The following HDAC4 variants were observed in gnomAD, a reference collection of about 807,000 sequenced individuals.
HDAC4 encodes histone deacetylase A.
A neutral mutation model predicts 135.1 loss-of-function variants in HDAC4; 16 were observed. That is an observed-to-expected ratio of 0.12 (90% confidence interval 0.08 to 0.18). The LOEUF (loss-of-function observed/expected upper bound fraction) is 0.18, where lower values mean the gene tolerates loss of function less well. Among genes scored for constraint, HDAC4 ranks in the 10% least tolerant of loss-of-function variants. The pLI is 1.00. For missense variants in HDAC4, 1,143 were observed against 1,511.8 expected (o/e 0.76, Z 4.05); for synonymous variants, 685 against 653.4 (o/e 1.05, Z -0.74).
intron 1 of HDAC4, among the ~76,000 whole-genome samples, chr2:239,374,655 G>A (rs549739036): frequency 4.0e-5 from 6 of 151,858 alleles, no homozygotes; most frequent in East Asian, 3.9e-4. Context: ...CGCCCGCCTC[G>A]GCCTCCCAAA....
At chr2:239,397,296 T>C (rs1696625758) in intron 1 of HDAC4, among the ~76,000 whole-genome samples, 2 of 152,122 alleles carry the variant, frequency 1.3e-5, no homozygotes, top group African/African-American at 4.8e-5. Context: ...CCTCCAGAGG[T>C]AGAGCCCACC....
intron 3 of HDAC4, among the ~76,000 whole-genome samples, chr2:239,197,847 TTGTGTGTGTGTG>T (rs368801140): frequency 3.6e-4 from 50 of 140,216 alleles, no homozygotes; most frequent in South Asian, 1.7e-3. Context: ...CACTAAAAGT[TTGTGTGTGTGTG>T]TGTGTGTGTG....
At chr2:239,085,877 C>A (rs887086430) in intron 19 of HDAC4, 1 of 147,700 alleles carries the variant, frequency 6.8e-6, no homozygotes, top group Non-Finnish European at 1.5e-5. Context: ...ACATGCGGAT[C>A]TGACTATCTC....
intron 10 of HDAC4, 34 bp downstream of exon 10, chr2:239,134,493 C>T (rs1263546943): frequency 1.2e-6 from 2 of 1,612,670 alleles, no homozygotes; most frequent in East Asian, 2.2e-5. Flanking sequence ...TCACCACCAC[C>T]CCACACCACA....
intron 7 of HDAC4, among the ~76,000 whole-genome samples, chr2:239,153,729 G>C (rs1442062040): frequency 1.3e-5 from 2 of 152,218 alleles, no homozygotes; most frequent in Non-Finnish European, 2.9e-5. Context: ...CCGTTCTCAA[G>C]AAAGCAGGGA....
intron 1 of HDAC4, among the ~76,000 whole-genome samples, chr2:239,380,220 G>A (rs1183895148): frequency 1.3e-5 from 2 of 152,228 alleles, no homozygotes; most frequent in African/African-American, 2.4e-5. Flanking sequence ...CGGAATGCGC[G>A]AGCTCTGCAA....
At chr2:239,249,713 C>G (rs894323980) in intron 2 of HDAC4, among the ~76,000 whole-genome samples, 1 of 151,910 alleles carries the variant, frequency 6.6e-6, no homozygotes, top group African/African-American at 2.4e-5. Context: ...CCAAATACCA[C>G]GCCATCCTGG....
chr2:239,145,770 C>A (rs1408967341), intron 7 of HDAC4, among the ~76,000 whole-genome samples: 1 of 152,044 alleles, frequency 6.6e-6, no homozygotes, highest in Non-Finnish European at 1.5e-5. Context: ...ACAGGCAGTG[C>A]ACCGCCTCCA....
intron 22 of HDAC4, among the ~76,000 whole-genome samples, chr2:239,073,384 G>A (rs888207524): frequency 1.3e-5 from 2 of 152,210 alleles, no homozygotes; most frequent in South Asian, 2.1e-4. Context: ...TTCCTGCCAC[G>A]GGTCAGATAG....
chr2:239,049,309 G>A lies in HDAC4; in HGVS notation c.*3788C>T, dbSNP rs2030457470. 1 of 152,416 alleles carries A rather than the reference G, an allele frequency of 6.6e-6. No homozygotes were observed. The highest frequency in any genetic ancestry group is 2.4e-5 in the African/African-American group (1 of 41,358). 9.4% of individuals were successfully genotyped at this position (152,416 alleles called of 1,614,324 possible). A position where few individuals can be genotyped will look rare whatever the true frequency, so the allele number is the denominator to read the frequency against. ...TTTTACAGAAAAATTTCCATCTTTT[G>A]TATCTGCAAATGTCATGAGAGGGGA... is the stretch of plus-strand genomic sequence containing the variant. On this transcript the variant is annotated 3_prime_UTR_variant, in exon 27 of 27. Transcript: ENST00000543185.
intron 5 of HDAC4, among the ~76,000 whole-genome samples, chr2:239,173,326 T>C (rs778863916): frequency 1.2e-4 from 19 of 152,216 alleles, no homozygotes; most frequent in Non-Finnish European, 2.1e-4. Context: ...ACTGGGGTTA[T>C]TTTAAAAATG....
At chr2:239,241,983 T>G (rs2048198561) in intron 2 of HDAC4, among the ~76,000 whole-genome samples, 1 of 152,000 alleles carries the variant, frequency 6.6e-6, no homozygotes, top group African/African-American at 2.4e-5. Flanking sequence ...CCAGATCATC[T>G]TGGGCAAAAT....
chr2:239,342,519 C>T (rs1318477528), intron 2 of HDAC4, among the ~76,000 whole-genome samples: 1 of 152,064 alleles, frequency 6.6e-6, no homozygotes, highest in African/African-American at 2.4e-5. Flanking sequence ...TTGAAAAAAA[C>T]AAATACGTTA....
chr2:239,382,423 A>G (rs765925917), intron 1 of HDAC4, among the ~76,000 whole-genome samples: 2 of 152,248 alleles, frequency 1.3e-5, no homozygotes, highest in Non-Finnish European at 2.9e-5. Context: ...AGTTCCTCTA[A>G]TATTAATGAT....
intron 3 of HDAC4, among the ~76,000 whole-genome samples, chr2:239,195,444 G>A (rs939688290): frequency 3.3e-5 from 5 of 152,186 alleles, no homozygotes; most frequent in African/African-American, 9.6e-5. Context: ...CCTGGGAGCC[G>A]GGTGGGTGGG....
At chr2:239,363,990 G>A (rs1374632607) in intron 1 of HDAC4, among the ~76,000 whole-genome samples, 1 of 152,208 alleles carries the variant, frequency 6.6e-6, no homozygotes, top group East Asian at 1.9e-4. Context: ...TGTGACTGCA[G>A]GGAAACGCGA....
chr2:239,318,029 G>A (rs1019668046), intron 2 of HDAC4, among the ~76,000 whole-genome samples: 1 of 151,784 alleles, frequency 6.6e-6, no homozygotes, highest in African/African-American at 2.4e-5. Context: ...TAGCAAGAAC[G>A]GTGACACTAG....
chr2:239,311,307 G>T (rs184629549), intron 2 of HDAC4, among the ~76,000 whole-genome samples: 190 of 152,296 alleles, frequency 1.2e-3, no homozygotes, highest in African/African-American at 4.3e-3. Context: ...ATGGCACTGA[G>T]ATGTGTGGCA....
chr2:239,203,196 T>C lies in HDAC4; in HGVS notation c.95-13119A>G, dbSNP rs1469731015. Among the ~76,000 whole-genome samples the C allele has an allele frequency of 3.9e-5, 6 of 152,154 alleles. No individual in the cohort carries two copies. The East Asian group carries it at 1.2e-3, about 29-fold the overall frequency. On this transcript the variant is annotated intron_variant, in intron 3 of 26. Transcript: ENST00000543185. ...AAGGGGAAGAGCTCAGTAAGCCCAGTGTGGATGCCTAGCCCTGGAGACTCC... is the reference window on the plus strand; with the variant it reads ...AAGGGGAAGAGCTCAGTAAGCCCAGCGTGGATGCCTAGCCCTGGAGACTCC...
Sources: allele counts gnomAD v4.1 joint callset (sites outside exome capture counted in the v4.1 genomes callset), GRCh38; gene constraint gnomAD v4.1.1; transcripts MANE v1.5; gene names NCBI Gene and HGNC (gene_info 2026-07-23, HGNC 2026-07-21).